CNTNAP2: variants seen among roughly 807,000 people sequenced by gnomAD.
CNTNAP2 encodes contactin-associated protein-like 2.
A neutral mutation model predicts 155.2 loss-of-function variants in CNTNAP2; 98 were observed. The ratio of observed to expected loss-of-function variants is 0.63; its 90% CI spans 0.54 to 0.75. CNTNAP2 has a LOEUF of 0.75. Among genes scored for constraint, CNTNAP2 ranks in the 30% least tolerant of loss-of-function variants. CNTNAP2 has a pLI of 0.00. For missense variants in CNTNAP2, 1,727 were observed against 1,688.1 expected (o/e 1.02, Z -0.40); for synonymous variants, 651 against 631.2 (o/e 1.03, Z -0.47).
chr7:146,930,807 T>A (rs1363549076), intron 3 of CNTNAP2, among the ~76,000 whole-genome samples: 1 of 151,944 alleles, frequency 6.6e-6, no homozygotes, highest in African/African-American at 2.4e-5. Flanking sequence ...TAAAACAGAC[T>A]TTAAACCAAC....
At position 148,358,694 on chromosome 7, in the gene CNTNAP2, A is replaced by C. The variant is rs1396974592; in HGVS notation, c.3476-24955A>C. Among the ~76,000 whole-genome samples the C allele has an allele frequency of 2.0e-5, 3 of 152,340 alleles. No homozygotes were observed. The East Asian group carries it at 5.8e-4, about 29-fold the overall frequency. ...TCTGCTTTCAAGCGCGTAATCAGGA[A>C]TGCATTAGAATAAAGCAGTTAGGAG... On this transcript the variant is annotated intron_variant, in intron 21 of 23. Coordinates refer to ENST00000361727, the MANE Select transcript of CNTNAP2 (RefSeq NM_014141.6).
rs571712154 is a variant in CNTNAP2, at chr7:146,520,970, T to C, written c.98-253301T>C. ...ATCCTTATATTCCCCAAAATGTATA[T>C]GGCATTTTAATTATCCTTCAAAAAT... On this transcript the variant is annotated intron_variant, in intron 1 of 23. Coordinates refer to ENST00000361727, the MANE Select transcript of CNTNAP2 (RefSeq NM_014141.6). 2.6e-5 allele frequency among the ~76,000 whole-genome samples: 4 copies of C among 152,074 alleles called. No homozygotes were observed. In the South Asian group the frequency reaches 8.3e-4, roughly 32 times the overall value.
intron 10 of CNTNAP2, among the ~76,000 whole-genome samples, chr7:147,460,434 T>A: frequency 6.6e-6 from 1 of 152,174 alleles, no homozygotes; most frequent in Non-Finnish European, 1.5e-5. Context: ...CCATCAAATC[T>A]GTGGCTGCAT....
At chr7:146,711,683 T>C (rs900352248) in intron 1 of CNTNAP2, among the ~76,000 whole-genome samples, 1 of 147,364 alleles carries the variant, frequency 6.8e-6, no homozygotes, top group African/African-American at 2.5e-5. Flanking sequence ...TATATCTCAT[T>C]ATATATACAT....
intron 15 of CNTNAP2, among the ~76,000 whole-genome samples, chr7:147,998,103 CTTTTTTTTTTTTTTTTTTT>C (rs71188938): frequency 2.6e-5 from 2 of 75,804 alleles, no homozygotes; most frequent in Non-Finnish European, 4.7e-5. Context: ...TTTCTTTTTT[CTTTTTTTTTTTTTTTTTTT>C]TTTTTTTGAG....
chr7:146,787,421 G>T (rs1302986581), intron 2 of CNTNAP2, among the ~76,000 whole-genome samples: 1 of 152,178 alleles, frequency 6.6e-6, no homozygotes, highest in East Asian at 1.9e-4. Flanking sequence ...GCGGGTTCGT[G>T]GTCTCGCTGA....
intron 11 of CNTNAP2, among the ~76,000 whole-genome samples, chr7:147,556,182 C>T (rs907766904): frequency 1.3e-5 from 2 of 152,126 alleles, no homozygotes; most frequent in Non-Finnish European, 2.9e-5. Context: ...CTTCATTCTT[C>T]CGTCTTTCTT....
At chr7:147,171,623 G>T (rs1348376652) in intron 8 of CNTNAP2, among the ~76,000 whole-genome samples, 4 of 152,204 alleles carry the variant, frequency 2.6e-5, no homozygotes, top group Admixed American at 2.6e-4. Flanking sequence ...AAATCATGTA[G>T]TTGGTTCAGC....
At chr7:146,465,729 T>A (rs1440898699) in intron 1 of CNTNAP2, among the ~76,000 whole-genome samples, 1 of 152,196 alleles carries the variant, frequency 6.6e-6, no homozygotes, top group Non-Finnish European at 1.5e-5. Context: ...TACTAGAGAT[T>A]GATACGGCAG....
In CNTNAP2 at chr7:146,395,826, G is replaced by GATA. The variant is rs1563068432; in HGVS notation, c.97+278853_97+278854insATA. 3.0e-3 allele frequency among the ~76,000 whole-genome samples: 347 copies of GATA among 116,786 alleles called. 2 individuals are homozygous for GATA. The highest frequency in any genetic ancestry group is 7.0e-3 in the African/African-American group (236 of 33,838). 76.6% of individuals were successfully genotyped at this position (116,786 alleles called of 152,430 possible). A position where few individuals can be genotyped will look rare whatever the true frequency, so the allele number is the denominator to read the frequency against. The stretch of plus-strand genomic sequence containing the variant: ...ATAGATAGATAGATAGATAGATAGA[G>GATA]GAGAGAGAGAGAGAGAGAGAGAGAG... On this transcript the variant is annotated intron_variant, in intron 1 of 23. Coordinates refer to ENST00000361727, the MANE Select transcript of CNTNAP2 (RefSeq NM_014141.6).
chr7:147,644,074 C>G (rs1317956360), intron 13 of CNTNAP2, among the ~76,000 whole-genome samples: 1 of 152,010 alleles, frequency 6.6e-6, no homozygotes, highest in Admixed American at 6.6e-5. Context: ...CTCAGCTTTA[C>G]AAAATACACA....
chr7:146,393,075 G>A (rs1795568424), intron 1 of CNTNAP2, among the ~76,000 whole-genome samples: 1 of 152,116 alleles, frequency 6.6e-6, no homozygotes, highest in Non-Finnish European at 1.5e-5. Context: ...AGAAAATAGT[G>A]CTTTTTGCGC....
At chr7:146,976,081 T>C (rs932707235) in intron 3 of CNTNAP2, among the ~76,000 whole-genome samples, 2 of 152,096 alleles carry the variant, frequency 1.3e-5, no homozygotes, top group African/African-American at 4.8e-5. Flanking sequence ...AAAATACAAT[T>C]TGAAATATGG....
At chr7:147,698,478 GA>G (rs560232521) in intron 13 of CNTNAP2, among the ~76,000 whole-genome samples, 1 of 151,778 alleles carries the variant, frequency 6.6e-6, no homozygotes, top group African/African-American at 2.4e-5. Context: ...TATTAAATAT[GA>G]AAAAAAATCA....
At chr7:147,167,473 C>A (rs958803036) in intron 8 of CNTNAP2, 8 of 1,043,750 alleles carry the variant, frequency 7.7e-6, no homozygotes, top group Non-Finnish European at 1.1e-5. Context: ...ATGCCTGCCC[C>A]TGCCCCACTG....
chr7:147,345,691 T>C (rs1241365054), intron 9 of CNTNAP2, among the ~76,000 whole-genome samples: 1 of 152,082 alleles, frequency 6.6e-6, no homozygotes, highest in Non-Finnish European at 1.5e-5. Flanking sequence ...AGTTTTTTTC[T>C]GTTTCATTAA....
At position 147,714,787 on chromosome 7, in the gene CNTNAP2, G is replaced by T. The variant is rs1430439280; in HGVS notation, c.2098+75481G>T. Among the ~76,000 whole-genome samples the T allele has an allele frequency of 6.6e-5, 10 of 151,980 alleles. No individual in the cohort carries two copies. In the East Asian group the frequency reaches 1.9e-3, roughly 29 times the overall value. ...TAACCACTAATCAAGATATTTAACT[G>T]TACCATTACCAGAAGACTTCATTCT... On this transcript the variant is annotated intron_variant, in intron 13 of 23. Transcript: ENST00000361727.
intron 1 of CNTNAP2, among the ~76,000 whole-genome samples, chr7:146,585,903 G>A (rs1435099027): frequency 6.6e-6 from 1 of 152,060 alleles, no homozygotes; most frequent in African/African-American, 2.4e-5. Context: ...TACTCAGGAG[G>A]CTGAAGTAGG....
chr7:148,250,622 T>C (rs1376148785), intron 20 of CNTNAP2, among the ~76,000 whole-genome samples: 1 of 152,190 alleles, frequency 6.6e-6, no homozygotes, highest in Non-Finnish European at 1.5e-5. Flanking sequence ...CCCCTGCAGA[T>C]TGACATCTTC....
Sources: gnomAD v4.1 joint callset for allele counts (sites outside exome capture counted in the v4.1 genomes callset) on GRCh38, gnomAD v4.1.1 for gene constraint, MANE v1.5 for transcripts, NCBI Gene and HGNC (gene_info 2026-07-23, HGNC 2026-07-21) for gene names.